OOSP2: variants seen among roughly 807,000 people sequenced by gnomAD.
OOSP2 encodes the protein oocyte secreted protein 2.
In OOSP2, 7 loss-of-function variants were observed where a neutral mutation model predicts 13.4. The ratio of observed to expected loss-of-function variants is 0.52; its 90% CI spans 0.30 to 0.98. The LOEUF (loss-of-function observed/expected upper bound fraction) is 0.98. Ranked by LOEUF, OOSP2 falls within the 50% of genes least tolerant of loss-of-function variation. The probability of loss-of-function intolerance (pLI) is 0.07; values close to 1 mark genes in which losing one functional copy is unlikely to be tolerated. For missense variants in OOSP2, 184 were observed against 188.5 expected, an observed-to-expected ratio of 0.98 and a Z score of 0.14; for synonymous variants, 75 against 67.2, an observed-to-expected ratio of 1.12 and a Z score of -0.57.
At chr11:60,043,090 G>C (rs1463569761) in intron 1 of OOSP2, among the ~76,000 whole-genome samples, 2 of 152,040 alleles carry the variant, frequency 1.3e-5, no homozygotes, top group East Asian at 1.9e-4. Context: ...ATTTTTAGTA[G>C]AGACGGGGTT....
In OOSP2 at chr11:60,046,925, C is replaced by A. The variant is rs758479950; in HGVS notation, c.348-19C>A. On this transcript the variant is annotated intron_variant, in intron 3 of 3. Transcript: ENST00000278855. ...CAAGTGCTCCAACACTATCTGCTTT[C>A]TGTTTCCCTTTTCTTTAGGAAATCA... is the stretch of plus-strand genomic sequence containing the variant. 9 of 1,605,306 alleles carry A rather than the reference C, an allele frequency of 5.6e-6. No homozygotes were observed. In the South Asian group the frequency reaches 6.7e-5, roughly 12 times the overall value.
intron 1 of OOSP2, among the ~76,000 whole-genome samples, chr11:60,041,613 C>T (rs1278456562): frequency 1.3e-5 from 2 of 152,052 alleles, no homozygotes; most frequent in Admixed American, 6.6e-5. Context: ...TTTGGGAAGC[C>T]GAGACGGGTG....
intron 1 of OOSP2, among the ~76,000 whole-genome samples, chr11:60,042,106 G>A (rs187692339): frequency 2.0e-5 from 3 of 152,242 alleles, no homozygotes; most frequent in East Asian, 1.9e-4. Flanking sequence ...GTGACAGAGC[G>A]AGACTCCGTC....
intron 3 of OOSP2, chr11:60,046,597 T>C: frequency 2.3e-6 from 1 of 441,038 alleles, no homozygotes; most frequent in Non-Finnish European, 4.5e-6. Flanking sequence ...AAGCTTTTGG[T>C]GGCTTTTTCT....
At chr11:60,044,647 C>T (rs774158775) in intron 2 of OOSP2, 24 bp from the exon 3 acceptor site, 2 of 1,035,140 alleles carry the variant, frequency 1.9e-6, no homozygotes, top group East Asian at 4.8e-5. Flanking sequence ...AAATATCTTC[C>T]ACTGAAACTT....
intron 3 of OOSP2, among the ~76,000 whole-genome samples, chr11:60,045,204 A>C (rs979134943): frequency 6.6e-6 from 1 of 152,198 alleles, no homozygotes; most frequent in Non-Finnish European, 1.5e-5. Context: ...ACATAAGAAA[A>C]TCAGTCCTTC....
Position 60,043,577 on chromosome 11 carries a change from C to A in OOSP2, c.173C>A (p.Pro58His). The A allele has an allele frequency of 6.2e-7, 1 of 1,609,562 alleles. No homozygotes were observed. The highest frequency in any genetic ancestry group is 1.3e-5 in the African/African-American group (1 of 74,892). ...GAATTACATCTGGGAATGGGCTGCCCTGCAAATCGGATACATACATATGTA... is the reference window on the plus strand; with the variant it reads ...GAATTACATCTGGGAATGGGCTGCCATGCAAATCGGATACATACATATGTA... The part of the protein sequence containing the change: ...ADELHLGMGC[P>H]ANRIHTYVYE... The change falls in exon 2 of 4, where the codon CCT becomes CAT. Residue 58 changes from proline (P) to histidine (H), a missense_variant. By Grantham distance (77) the Pro-to-His change is moderately conservative. Transcript: ENST00000278855.
chr11:60,046,400 C>A (rs2134642321), intron 3 of OOSP2, among the ~76,000 whole-genome samples: 1 of 152,134 alleles, frequency 6.6e-6, no homozygotes, highest in South Asian at 2.1e-4. Context: ...ATAGATATTC[C>A]TATTTTGATA....
At chr11:60,041,850 C>CA (rs571172974) in intron 1 of OOSP2, among the ~76,000 whole-genome samples, 1,494 of 36,270 alleles carry the variant, frequency 0.041, 92 homozygotes, top group African/African-American at 0.08. Flanking sequence ...GACTCTGTCT[C>CA]AAAAAAAAAA....
intron 2 of OOSP2, among the ~76,000 whole-genome samples, chr11:60,043,956 C>T (rs1854974169): frequency 6.6e-6 from 1 of 152,124 alleles, no homozygotes; most frequent in Non-Finnish European, 1.5e-5. Context: ...GGAAGGTCAC[C>T]AATCTTGGGA....
chr11:60,040,977 A>C (rs1203703441), intron 1 of OOSP2, among the ~76,000 whole-genome samples: 2 of 152,152 alleles, frequency 1.3e-5, no homozygotes, highest in African/African-American at 4.8e-5. Context: ...TCTGAACTTC[A>C]CCCATGTTAA....
At chr11:60,046,296 C>G (rs1270281100) in intron 3 of OOSP2, among the ~76,000 whole-genome samples, 1 of 152,066 alleles carries the variant, frequency 6.6e-6, no homozygotes, top group Non-Finnish European at 1.5e-5. Context: ...GTTTTCAATT[C>G]TATGAACTAC....
Position 60,046,924 on chromosome 11 carries a change from T to A in OOSP2, c.348-20T>A. The A allele has an allele frequency of 6.2e-7, 1 of 1,604,772 alleles. No homozygotes were observed. The highest frequency in any genetic ancestry group is 8.5e-7 in the Non-Finnish European group (1 of 1,173,588). ...CCAAGTGCTCCAACACTATCTGCTTTCTGTTTCCCTTTTCTTTAGGAAATC... is the reference window on the plus strand; with the variant it reads ...CCAAGTGCTCCAACACTATCTGCTTACTGTTTCCCTTTTCTTTAGGAAATC... On this transcript the variant is annotated intron_variant, in intron 3 of 3. Transcript: ENST00000278855.
At chr11:60,040,999 GT>G (rs1854922454) in intron 1 of OOSP2, among the ~76,000 whole-genome samples, 1 of 152,148 alleles carries the variant, frequency 6.6e-6, no homozygotes, top group African/African-American at 2.4e-5. Flanking sequence ...CTCATCAACG[GT>G]TCTGCAAAGT....
At chr11:60,044,819 CT>C (rs1854988712) in intron 3 of OOSP2, 45 bp downstream of exon 3, 4 of 893,062 alleles carry the variant, frequency 4.5e-6, no homozygotes, top group Non-Finnish European at 7.3e-6. Context: ...TTAGCTTTAC[CT>C]TTGCTTATGA....
intron 1 of OOSP2, among the ~76,000 whole-genome samples, 174 bp from the exon 2 acceptor site, chr11:60,043,295 G>A (rs940556950): frequency 6.6e-6 from 1 of 152,084 alleles, no homozygotes; most frequent in Non-Finnish European, 1.5e-5. Context: ...TAATTAGTTA[G>A]GTATTTTGGA....
intron 1 of OOSP2, among the ~76,000 whole-genome samples, chr11:60,041,401 G>C (rs971846554): frequency 2.0e-5 from 3 of 152,180 alleles, no homozygotes; most frequent in African/African-American, 7.2e-5. Context: ...GAGAGAAAGA[G>C]CCACTGTGAA....
At chr11:60,041,650 A>G (rs1417186622) in intron 1 of OOSP2, among the ~76,000 whole-genome samples, 1 of 151,464 alleles carries the variant, frequency 6.6e-6, no homozygotes, top group East Asian at 2.0e-4. Flanking sequence ...GAGGAGTTCG[A>G]GACCAGCTTG....
intron 1 of OOSP2, among the ~76,000 whole-genome samples, chr11:60,042,182 G>A (rs1048009007): frequency 2.0e-5 from 3 of 152,202 alleles, no homozygotes; most frequent in Non-Finnish European, 4.4e-5. Context: ...GAAAAAAAAT[G>A]CAGTGAAATC....
Sources: gnomAD v4.1 joint callset for allele counts (sites outside exome capture counted in the v4.1 genomes callset) on GRCh38, gnomAD v4.1.1 for gene constraint, MANE v1.5 for transcripts, NCBI Gene and HGNC (gene_info 2026-07-23, HGNC 2026-07-21) for gene names.